ARID1A: variants seen among roughly 807,000 people sequenced by gnomAD.
ARID1A encodes the protein AT-rich interaction domain 1A.
In ARID1A, 20 loss-of-function variants were observed where a neutral mutation model predicts 212.6. The ratio of observed to expected loss-of-function variants is 0.09; its 90% confidence interval spans 0.07 to 0.14. The LOEUF (loss-of-function observed/expected upper bound fraction) is 0.14, where lower values mean the gene tolerates loss of function less well. Among genes scored for constraint, ARID1A ranks in the 10% least tolerant of loss-of-function variants. The pLI, the probability that ARID1A is intolerant of heterozygous loss-of-function variation, is 1.00. For synonymous variants in ARID1A, 1,376 were observed against 1,222.1 expected (o/e 1.13, Z -2.63); for missense variants, 2,587 against 3,059.0 (o/e 0.85, Z 3.64).
chr1:26,759,247 T>A (rs2080969056), intron 4 of ARID1A, among the ~76,000 whole-genome samples: 1 of 152,138 alleles, frequency 6.6e-6, no homozygotes, highest in African/African-American at 2.4e-5. Flanking sequence ...CCGTTACCTA[T>A]GCTGGAGTGC....
At chr1:26,741,266 C>T (rs1290258189) in intron 4 of ARID1A, among the ~76,000 whole-genome samples, 1 of 151,892 alleles carries the variant, frequency 6.6e-6, no homozygotes. Flanking sequence ...GGAGGAGGGA[C>T]GAAGTCAAAT....
rs139907456 is a variant in ARID1A, at chr1:26,773,390, G to A, written c.3760G>A (p.Gly1254Ser). 112 of 1,612,276 alleles carry A rather than the reference G, an allele frequency of 6.9e-5. 1 individual carries two copies. In the East Asian group the frequency reaches 2.0e-3, roughly 29 times the overall value. The change falls in exon 15 of 20, where the codon GGC (glycine) becomes AGC (serine). Residue 1254 changes from glycine to serine, a missense_variant. By Grantham distance (56) the Gly-to-Ser change is moderately conservative. Coordinates refer to ENST00000324856, the MANE Select transcript of ARID1A (RefSeq NM_006015.6). ...CATGTCCTCAGGGCAGGGCCCCAAC[G>A]GCGGGATGGGTGACCCCTACAGTCG... ...PFMSSGQGPNGGMGDPYSRAA... is the reference protein window; with the variant it reads ...PFMSSGQGPNSGMGDPYSRAA...
At chr1:26,773,213 T>G in intron 14 of ARID1A, 133 bp from the exon 15 acceptor site, 1 of 1,367,288 alleles carries the variant, frequency 7.3e-7, no homozygotes, top group Non-Finnish European at 9.9e-7. Flanking sequence ...GGGGCCTCTT[T>G]AGATCTCTGT....
At chr1:26,723,595 C>T (rs896205981) in intron 1 of ARID1A, among the ~76,000 whole-genome samples, 2 of 152,160 alleles carry the variant, frequency 1.3e-5, no homozygotes, top group African/African-American at 4.8e-5. Flanking sequence ...CCAGAGATTA[C>T]GAGCACTAAC....
At position 26,697,224 on chromosome 1, in the gene ARID1A, TG is replaced by T. The variant is rs2124743748; in HGVS notation, c.827del (p.Gly276GlufsTer87). ...TTCGCTCAGCAGCGCTTCGGGGCCA[TG>T]GGGGGAGGCGGCCCCTCCGCGGCCG... ...SSFAQQRFGAMGGGGPSAAGG... is the reference protein window; with the variant it reads ...SSFAQQRFGAXGGGGPSAAGG... On this transcript the variant is annotated frameshift_variant, in exon 1 of 20. Coordinates refer to ENST00000324856, the MANE Select transcript of ARID1A (RefSeq NM_006015.6). LOFTEE classifies it high-confidence loss of function. The T allele has an allele frequency of 3.6e-6, 5 of 1,379,922 alleles. No individual in the cohort carries two copies. Among genetic ancestry groups the T allele is most frequent in the Admixed American group, 3.8e-5 (1 of 26,664 alleles). 85.5% of individuals were successfully genotyped at this position (1,379,922 alleles called of 1,614,324 possible).
rs748000514 is a variant in ARID1A, at chr1:26,779,837, G to A, written c.5939G>A (p.Arg1980His). Residue 1980 changes from arginine (R) to histidine (H), a missense_variant, in exon 20 of 20, where the codon CGC (arginine) becomes CAC (histidine). Around this residue, in one of 11 missense-constraint regions of ARID1A, gnomAD observed 168 missense variants for 321.0 expected, o/e 0.52. Transcript: ENST00000324856. ...GACTGGCAGGATTCTCTTGCCAAGCGCTGCGTCTGTGTGTCCAATACCATT... is the reference window on the plus strand; with the variant it reads ...GACTGGCAGGATTCTCTTGCCAAGCACTGCGTCTGTGTGTCCAATACCATT... Reference protein sequence around the residue: ...LLDWQDSLAKRCVCVSNTIRS... With the variant: ...LLDWQDSLAKHCVCVSNTIRS... The A allele has an allele frequency of 3.1e-6, 5 of 1,614,080 alleles. No homozygotes were observed. The highest frequency in any genetic ancestry group is 3.4e-6 in the Non-Finnish European group (4 of 1,180,034).
At chr1:26,742,357 TCAAA>T (rs2080795414) in intron 4 of ARID1A, among the ~76,000 whole-genome samples, 1 of 152,206 alleles carries the variant, frequency 6.6e-6, no homozygotes, top group African/African-American at 2.4e-5. Context: ...GGGAATCGCC[TCAAA>T]CAGTGAACCG....
intron 1 of ARID1A, among the ~76,000 whole-genome samples, chr1:26,706,152 CTT>C (rs976666889): frequency 3.9e-5 from 6 of 152,130 alleles, no homozygotes; most frequent in African/African-American, 1.4e-4. Context: ...TGCCATGTGC[CTT>C]TTTTTCTCTC....
chr1:26,720,075 A>G (rs2080546435), intron 1 of ARID1A, among the ~76,000 whole-genome samples: 1 of 150,508 alleles, frequency 6.6e-6, no homozygotes, highest in African/African-American at 2.5e-5. Context: ...ACATGGTGAA[A>G]CCCCGTTGCT....
At chr1:26,754,293 T>C (rs1170801279) in intron 4 of ARID1A, among the ~76,000 whole-genome samples, 1 of 152,188 alleles carries the variant, frequency 6.6e-6, no homozygotes, top group Non-Finnish European at 1.5e-5. Context: ...GAGAGCAATA[T>C]CTGTTCATGT....
intron 3 of ARID1A, 114 bp downstream of exon 3, chr1:26,731,718 A>C (rs2124790920): frequency 8.6e-7 from 1 of 1,157,082 alleles, no homozygotes; most frequent in East Asian, 2.4e-5. Flanking sequence ...CTTAAAGACC[A>C]ATTAAACTCT....
intron 4 of ARID1A, among the ~76,000 whole-genome samples, chr1:26,733,563 C>T (rs1170088791): frequency 6.6e-6 from 1 of 152,166 alleles, no homozygotes; most frequent in East Asian, 1.9e-4. Flanking sequence ...GTGCTTTATA[C>T]CTGAAAGGCA....
rs1045472485 is a variant in ARID1A at position 26,730,382 on chromosome 1, C to T, written c.1350+519C>T. Among the ~76,000 whole-genome samples, 5 of 152,226 alleles carry T rather than the reference C, an allele frequency of 3.3e-5. No individual in the cohort carries two copies. The East Asian group carries it at 9.6e-4, about 29-fold the overall frequency. On this transcript the variant is annotated intron_variant, in intron 2 of 19. Coordinates refer to ENST00000324856, the MANE Select transcript of ARID1A (RefSeq NM_006015.6). ...TTTCCCCTTATCCATCTCTTTTTGT[C>T]GAACCATTCACATCATTATCTCTTT...
At position 26,771,354 on chromosome 1, in the gene ARID1A, A is replaced by G; in HGVS notation, c.3406+28A>G. The G allele has an allele frequency of 6.2e-7, 1 of 1,605,432 alleles. No homozygotes were observed. The highest frequency in any genetic ancestry group is 1.1e-5 in the South Asian group (1 of 90,812). On this transcript the variant is annotated intron_variant, in intron 12 of 19. Coordinates refer to ENST00000324856, the MANE Select transcript of ARID1A (RefSeq NM_006015.6). The surrounding 1 kb of genome is among the most constrained non-coding windows in gnomAD (Gnocchi z 5.4). ...AAGGATGGGGTCAGCGGCCCCACCA[A>G]GGCTGAGAGGGCCTGTTGCCCTGGC...
rs564191651 is a variant in ARID1A at position 26,778,889 on chromosome 1, G to A, written c.5125-134G>A. 7 of 846,312 alleles carry A rather than the reference G, an allele frequency of 8.3e-6. No individual in the cohort carries two copies. The East Asian group carries it at 1.0e-4, about 12-fold the overall frequency. The allele number at this position is 846,312 out of a possible 1,614,324, so 52.4% of individuals were successfully genotyped here. ...ATTAAGATGAACAATTTGCTCTGTG[G>A]AGAACCTTTGGGAAAGGAGCAACTC... On this transcript the variant is annotated intron_variant, in intron 19 of 19. Transcript: ENST00000324856.
chr1:26,731,181 C>T lies in ARID1A; in HGVS notation c.1380C>T (p.Ser460=), dbSNP rs752841889. The T allele has an allele frequency of 2.0e-5, 32 of 1,613,954 alleles. No individual in the cohort carries two copies. In the East Asian group the frequency reaches 2.0e-4, roughly 10 times the overall value. Residue 460 remains serine (S), a synonymous_variant, in exon 3 of 20, where the codon AGC becomes AGT. Transcript: ENST00000324856. The part of the protein sequence containing the change: ...QIPPYGQQGP[S]GYGQQGQTPY... ...CTCCTTATGGACAACAAGGCCCCAG[C>T]GGGTATGGTCAACAGGGCCAGACTC...
At chr1:26,761,644 CATA>C (rs2080993105) in intron 6 of ARID1A, among the ~76,000 whole-genome samples, 171 bp downstream of exon 6, 1 of 152,144 alleles carries the variant, frequency 6.6e-6, no homozygotes, top group African/African-American at 2.4e-5. Context: ...TTATGGGGTA[CATA>C]ATGATGTTTC....
At chr1:26,765,508 T>C (rs1488407000) in intron 8 of ARID1A, 2 of 150,532 alleles carry the variant, frequency 1.3e-5, no homozygotes, top group Admixed American at 1.3e-4. Flanking sequence ...AAAATTGAAC[T>C]ATTGTTTGCT....
At chr1:26,775,407 C>T (rs1026621104) in intron 18 of ARID1A, among the ~76,000 whole-genome samples, 170 bp from the exon 19 acceptor site, 1 of 152,144 alleles carries the variant, frequency 6.6e-6, no homozygotes, top group Admixed American at 6.5e-5. Flanking sequence ...GCAATGAAGT[C>T]CTAGACAGAC....
Sources: allele counts gnomAD v4.1 joint callset (sites outside exome capture counted in the v4.1 genomes callset), GRCh38; gene constraint gnomAD v4.1.1; regional missense constraint gnomAD v4.1.1; non-coding constraint Gnocchi (gnomAD v3.1); transcripts MANE v1.5; gene names NCBI Gene and HGNC (gene_info 2026-07-23, HGNC 2026-07-21).